The following DENND5B variants were observed in gnomAD, a reference collection of about 807,000 sequenced individuals.
DENND5B encodes DENN domain-containing protein 5B.
In DENND5B, 34 loss-of-function variants were observed where a neutral mutation model predicts 140.6. That is an observed-to-expected ratio of 0.24 (90% CI 0.18 to 0.32). The LOEUF (loss-of-function observed/expected upper bound fraction) is 0.32. DENND5B is among the 10% of genes least tolerant of loss of function. The pLI, the probability that DENND5B is intolerant of heterozygous loss-of-function variation, is 1.00. For synonymous variants in DENND5B, 551 were observed against 562.1 expected (o/e 0.98, Z 0.28); for missense variants, 1,142 against 1,560.2 (o/e 0.73, Z 4.52).
At chr12:31,559,277 G>A (rs193277760) in intron 1 of DENND5B, among the ~76,000 whole-genome samples, 1 of 152,172 alleles carries the variant, frequency 6.6e-6, no homozygotes, top group East Asian at 1.9e-4. Flanking sequence ...TCAAAGACAA[G>A]CTTACAAAAC....
chr12:31,512,649 G>T (rs145248090), intron 1 of DENND5B, among the ~76,000 whole-genome samples: 1 of 151,964 alleles, frequency 6.6e-6, no homozygotes, highest in African/African-American at 2.4e-5. Flanking sequence ...ATCCGTCATG[G>T]TGTCACATAA....
At chr12:31,390,614 C>T (rs1231408535) in intron 19 of DENND5B, among the ~76,000 whole-genome samples, 1 of 151,926 alleles carries the variant, frequency 6.6e-6, no homozygotes, top group Non-Finnish European at 1.5e-5. Context: ...CCAGCCTGGG[C>T]AACAGAGCGA....
At chr12:31,523,638 T>A (rs1947984017) in intron 1 of DENND5B, among the ~76,000 whole-genome samples, 1 of 151,074 alleles carries the variant, frequency 6.6e-6, no homozygotes, top group South Asian at 2.1e-4. Flanking sequence ...ACACTGTGAA[T>A]GTATTAAATG....
At chr12:31,450,939 T>C (rs1415354339) in intron 5 of DENND5B, among the ~76,000 whole-genome samples, 1 of 152,124 alleles carries the variant, frequency 6.6e-6, no homozygotes, top group Admixed American at 6.6e-5. Context: ...GGCAGAAGAA[T>C]CCAGTACCCC....
chr12:31,402,743 G>C, intron 14 of DENND5B, 100 bp from the exon 15 acceptor site: 1 of 1,394,244 alleles, frequency 7.2e-7, no homozygotes, highest in Admixed American at 2.4e-5. Context: ...TTGATAATTT[G>C]CTTTTTATGA....
chr12:31,410,723 G>C (rs1942402811), intron 13 of DENND5B, among the ~76,000 whole-genome samples: 1 of 152,058 alleles, frequency 6.6e-6, no homozygotes, highest in African/African-American at 2.4e-5. Flanking sequence ...TTTTACAGAT[G>C]GGGAAAAGAG....
chr12:31,439,035 G>A (rs565507767), intron 7 of DENND5B, among the ~76,000 whole-genome samples: 1 of 152,296 alleles, frequency 6.6e-6, no homozygotes, highest in South Asian at 2.1e-4. Context: ...TGAGCACTGC[G>A]CTTAAGCAAA....
chr12:31,436,593 GCCGCAAT>G (rs1943766974), intron 7 of DENND5B, among the ~76,000 whole-genome samples: 2 of 151,646 alleles, frequency 1.3e-5, no homozygotes, highest in African/African-American at 2.4e-5. Flanking sequence ...GGAGTGCAAT[GCCGCAAT>G]CTCAGCTCAC....
chr12:31,413,671 G>A lies in DENND5B; in HGVS notation c.2553-107C>T, dbSNP rs183211114. On this transcript the variant is annotated intron_variant, in intron 12 of 20. Transcript: ENST00000389082. ...GGCACAGAAAGGTTTATACTTAAAG[G>A]GAGCAATGGATAATATACAATTGAT... 26 of 1,208,650 alleles carry A rather than the reference G, an allele frequency of 2.2e-5. No individual in the cohort carries two copies. In the African/African-American group the frequency reaches 3.0e-4, roughly 14 times the overall value. The allele number at this position is 1,208,650 out of a possible 1,614,324, so 74.9% of individuals were successfully genotyped here.
At chr12:31,451,020 T>A (rs1460820721) in intron 5 of DENND5B, among the ~76,000 whole-genome samples, 1 of 152,206 alleles carries the variant, frequency 6.6e-6, no homozygotes, top group East Asian at 1.9e-4. Context: ...GGAATTGTTT[T>A]ACACTTACAG....
intron 1 of DENND5B, among the ~76,000 whole-genome samples, chr12:31,530,328 G>A (rs933027092): frequency 7.9e-5 from 12 of 152,116 alleles, no homozygotes; most frequent in African/African-American, 2.4e-4. Flanking sequence ...AGCCAAGATC[G>A]TGCCATTGCA....
chr12:31,561,102 G>A (rs1057383558), intron 1 of DENND5B, among the ~76,000 whole-genome samples: 5 of 152,120 alleles, frequency 3.3e-5, no homozygotes, highest in South Asian at 2.1e-4. Context: ...AGAGAACTCC[G>A]TATGTAAGGG....
intron 1 of DENND5B, among the ~76,000 whole-genome samples, chr12:31,559,691 A>T (rs554477400): frequency 1.3e-5 from 2 of 152,338 alleles, no homozygotes; most frequent in East Asian, 3.9e-4. Flanking sequence ...TCATGGATTT[A>T]AGAATTTCAA....
chr12:31,422,538 T>A (rs1445728616), intron 11 of DENND5B, among the ~76,000 whole-genome samples: 2 of 151,850 alleles, frequency 1.3e-5, no homozygotes, highest in Admixed American at 1.3e-4. Flanking sequence ...GAGGCAGAGG[T>A]TGCAGTGAGC....
At chr12:31,575,095 T>G (rs771002196) in intron 1 of DENND5B, among the ~76,000 whole-genome samples, 6 of 152,208 alleles carry the variant, frequency 3.9e-5, no homozygotes, top group Non-Finnish European at 7.3e-5. Flanking sequence ...GTTTATTTAT[T>G]AAGAAAATAC....
Position 31,442,916 on chromosome 12 carries a change from A to G in DENND5B, c.1871T>C (p.Ile624Thr), listed in dbSNP as rs1178756093. The change falls in exon 7 of 21, where the codon ATT becomes ACT. Residue 624 changes from isoleucine (I) to threonine (T), a missense_variant. Ile to Thr is a moderately conservative substitution (Grantham distance 89). Coordinates refer to ENST00000389082, the MANE Select transcript of DENND5B (RefSeq NM_144973.4). ...ATCCATTTTCATCAGTCTCTGCTCA[A>G]TTGATTGGGCTATAAATTAAATTTA... ...CSTLKEAAQS[I>T]EQRLMKMDHT... 8 of 1,570,738 alleles carry G rather than the reference A, an allele frequency of 5.1e-6. No homozygotes were observed. In the Admixed American group the frequency reaches 1.1e-4, roughly 22 times the overall value.
intron 13 of DENND5B, among the ~76,000 whole-genome samples, chr12:31,413,040 C>A (rs1477512873): frequency 6.6e-6 from 1 of 152,132 alleles, no homozygotes; most frequent in Non-Finnish European, 1.5e-5. Flanking sequence ...CCTGCCTCAG[C>A]CTCCTGAATA....
intron 1 of DENND5B, among the ~76,000 whole-genome samples, chr12:31,496,708 A>G (rs1946773346): frequency 6.7e-6 from 1 of 150,110 alleles, no homozygotes; most frequent in Admixed American, 6.7e-5. Flanking sequence ...TTTTCTTCCT[A>G]TTTTTTTTTT....
At chr12:31,589,601 C>T (rs1950527980) in intron 1 of DENND5B, among the ~76,000 whole-genome samples, 1 of 151,742 alleles carries the variant, frequency 6.6e-6, no homozygotes, top group Admixed American at 6.6e-5. Flanking sequence ...GTCTCCCCAC[C>T]CCCACCAAAG....
Sources: gnomAD v4.1 joint callset for allele counts (sites outside exome capture counted in the v4.1 genomes callset) on GRCh38, gnomAD v4.1.1 for gene constraint, MANE v1.5 for transcripts, NCBI Gene and HGNC (gene_info 2026-07-23, HGNC 2026-07-21) for gene names.